TRIM29: variants seen among roughly 807,000 people sequenced by gnomAD.
The protein encoded by TRIM29 is tripartite motif-containing protein 29.
In TRIM29, 52 loss-of-function variants were observed where a neutral mutation model predicts 57.3. The observed-to-expected ratio is 0.91, with a 90% CI of 0.73 to 1.14. TRIM29 has a LOEUF of 1.14. Among genes scored for constraint, TRIM29 ranks in the 50% most tolerant of loss-of-function variants. The probability of loss-of-function intolerance (pLI) is 0.00; values close to 1 mark genes in which losing one functional copy is unlikely to be tolerated. For synonymous variants in TRIM29, 319 were observed against 316.9 expected (o/e 1.01, Z -0.07); for missense variants, 753 against 774.6 (o/e 0.97, Z 0.33).
intron 5 of TRIM29, 45 bp from the exon 6 acceptor site, chr11:120,120,710 A>C: frequency 1.3e-6 from 2 of 1,586,366 alleles, no homozygotes; most frequent in African/African-American, 1.3e-5. Context: ...AAATTGTCTC[A>C]TCAGGACTCC....
chr11:120,122,914 A>T, intron 5 of TRIM29, 40 bp downstream of exon 5: 5 of 1,583,518 alleles, frequency 3.2e-6, no homozygotes, highest in Non-Finnish European at 4.3e-6. Flanking sequence ...CCTGGGCAGC[A>T]GGAGAGACAC....
At chr11:120,116,241 C>T (rs529803895) in intron 7 of TRIM29, 1 of 152,430 alleles carries the variant, frequency 6.6e-6, no homozygotes, top group Admixed American at 6.5e-5. Flanking sequence ...ACGGGGCCGC[C>T]TTGACTCCCT....
At chr11:120,118,380 G>A (rs1565313465) in intron 6 of TRIM29, 59 bp from the exon 7 acceptor site, 4 of 1,370,402 alleles carry the variant, frequency 2.9e-6, no homozygotes, top group East Asian at 4.8e-5. Flanking sequence ...GAGGAGGCAG[G>A]ACCAGGACAC....
At chr11:120,114,638 C>T (rs1393632260) in intron 8 of TRIM29, among the ~76,000 whole-genome samples, 6 of 152,182 alleles carry the variant, frequency 3.9e-5, no homozygotes, top group African/African-American at 1.2e-4. Flanking sequence ...CTACAGTCCC[C>T]GATCACTGAG....
intron 1 of TRIM29, among the ~76,000 whole-genome samples, chr11:120,131,929 T>G (rs1174784736): frequency 6.7e-6 from 1 of 149,350 alleles, no homozygotes; most frequent in Non-Finnish European, 1.5e-5. Flanking sequence ...CCTGTGGAGG[T>G]AAGTGGCATT....
intron 5 of TRIM29, chr11:120,121,949 C>T (rs777505233): frequency 3.6e-5 from 16 of 448,888 alleles, no homozygotes; most frequent in Middle Eastern, 6.6e-4. Context: ...GGCACAGCAC[C>T]CCAGGCAGGG....
intron 5 of TRIM29, chr11:120,120,997 C>A (rs1474587793): frequency 2.5e-6 from 1 of 397,600 alleles, no homozygotes; most frequent in South Asian, 2.1e-5. Flanking sequence ...TCCCAGGGGC[C>A]CACCCAGGCT....
chr11:120,131,910 C>G (rs555181586), intron 1 of TRIM29, among the ~76,000 whole-genome samples: 12 of 149,562 alleles, frequency 8.0e-5, no homozygotes, highest in Non-Finnish European at 1.5e-4. Flanking sequence ...CTTTAACCAG[C>G]AAAAGCCTCC....
intron 6 of TRIM29, among the ~76,000 whole-genome samples, chr11:120,120,171 G>GT (rs1398760875): frequency 2.1e-4 from 25 of 118,640 alleles, no homozygotes; most frequent in Admixed American, 8.0e-5. Context: ...CCTCATACTT[G>GT]TGGGGGGGGT....
chr11:120,123,206 C>A (rs755571014), intron 4 of TRIM29, 151 bp from the exon 5 acceptor site: 1 of 718,414 alleles, frequency 1.4e-6, no homozygotes, highest in South Asian at 1.5e-5. Flanking sequence ...GAGAATATGA[C>A]GCCCTGCCCA....
At position 120,115,333 on chromosome 11, in the gene TRIM29, C is replaced by T. The variant is rs1555048997; in HGVS notation, c.1704+5G>A. ...CCCAGGCCCTCCCGGCAGCACTTCC[C>T]TTACCAGCATAGTCTGCTTGCCAGA... On this transcript the variant is annotated splice_donor_5th_base_variant and intron_variant, in intron 8 of 8. Coordinates refer to ENST00000341846, the MANE Select transcript of TRIM29 (RefSeq NM_012101.4). 4.3e-6 allele frequency: 7 copies of T among 1,613,002 alleles called. No homozygotes were observed. Among genetic ancestry groups the T allele is most frequent in the Admixed American group, 1.7e-5 (1 of 59,898 alleles).
rs113718478 is a variant in TRIM29, at chr11:120,122,542, A to C, written c.1435+412T>G. Among the ~76,000 whole-genome samples the C allele has an allele frequency of 1.5e-3, 234 of 152,284 alleles. 2 individuals carry two copies. The highest frequency in any genetic ancestry group is 5.3e-3 in the African/African-American group (220 of 41,568). On this transcript the variant is annotated intron_variant, in intron 5 of 8. Transcript: ENST00000341846. ...GGAGCAGAATGGTCCTGGGGTCGGC[A>C]GCCATCTCACAGGGCTCAGCCCCTA...
At chr11:120,132,904 G>A (rs541891983) in intron 1 of TRIM29, among the ~76,000 whole-genome samples, 1 of 152,260 alleles carries the variant, frequency 6.6e-6, no homozygotes, top group South Asian at 2.1e-4. Flanking sequence ...TCAGGTCAGG[G>A]GAGGGGTGAG....
chr11:120,123,475 G>T (rs1863512106), intron 4 of TRIM29: 1 of 457,400 alleles, frequency 2.2e-6, no homozygotes, highest in African/African-American at 2.0e-5. Context: ...TAAGGGCAGA[G>T]TTGGGGATTG....
intron 1 of TRIM29, among the ~76,000 whole-genome samples, chr11:120,135,997 A>G (rs620602): frequency 0.15 from 22,987 of 151,876 alleles, 2,013 homozygotes; most frequent in East Asian, 0.45. Context: ...TGCCCAAATC[A>G]CCTTCCCCAG....
intron 8 of TRIM29, 65 bp downstream of exon 8, chr11:120,115,273 G>T: frequency 6.5e-7 from 1 of 1,533,110 alleles, no homozygotes; most frequent in Non-Finnish European, 8.9e-7. Context: ...ATTGCCTCCA[G>T]GGAGCCCCCT....
chr11:120,115,425 A>T lies in TRIM29; in HGVS notation c.1628-11T>A, dbSNP rs752535670. On this transcript the variant is annotated splice_polypyrimidine_tract_variant and intron_variant, in intron 7 of 8. Transcript: ENST00000341846. ...TGAGGGAGGGATAGCCTGGGAAGAC[A>T]AGAGATTCAGGTCAAAGGGAGCAGC... 1 of 1,612,586 alleles carries T rather than the reference A, an allele frequency of 6.2e-7. No homozygotes were observed. Among genetic ancestry groups the T allele is most frequent in the Non-Finnish European group, 8.5e-7 (1 of 1,179,254 alleles).
rs36069796 is a variant in TRIM29, at chr11:120,120,656, C to T, written c.1445G>A (p.Arg482Gln). 8.1e-6 allele frequency: 13 copies of T among 1,613,588 alleles called. No individual in the cohort carries two copies. The highest frequency in any genetic ancestry group is 2.2e-5 in the South Asian group (2 of 90,970). ...SMYLTPKGGV[R>Q]TSYQPSSPGR... Reference sequence around the variant, plus strand: ...AGGAGACGAGGGCTGGTATGATGTCCGGACCCCACCTGTGAAGCAGATGAA... The same window carrying T: ...AGGAGACGAGGGCTGGTATGATGTCTGGACCCCACCTGTGAAGCAGATGAA... Residue 482 changes from arginine to glutamine, a missense_variant, in exon 6 of 9, where the codon CGG becomes CAG. Physicochemically the swap from Arg to Gln is conservative, Grantham distance 43. Transcript: ENST00000341846.
In TRIM29 at chr11:120,125,862, A is replaced by G; in HGVS notation, c.1162T>C (p.Ser388Pro). 1 of 1,613,812 alleles carries G rather than the reference A, an allele frequency of 6.2e-7. No individual in the cohort carries two copies. Among genetic ancestry groups the G allele is most frequent in the Non-Finnish European group, 8.5e-7 (1 of 1,179,850 alleles). Reference sequence around the variant, plus strand: ...TAGGTGGGCAGGGGTGGGGGGAGAGAGTAATTGCTCATCAATGCACCAAAT... The same window carrying G: ...TAGGTGGGCAGGGGTGGGGGGAGAGGGTAATTGCTCATCAATGCACCAAAT... The part of the protein sequence containing the change: ...QEFGALMSNY[S>P]LPPPLPTYHV... Residue 388 changes from serine to proline, a missense_variant, in exon 4 of 9, where the codon TCT (serine) becomes CCT (proline). Ser to Pro is a moderately conservative substitution (Grantham distance 74). Coordinates refer to ENST00000341846, the MANE Select transcript of TRIM29 (RefSeq NM_012101.4).
Sources: allele counts gnomAD v4.1 joint callset (sites outside exome capture counted in the v4.1 genomes callset), GRCh38; gene constraint gnomAD v4.1.1; transcripts MANE v1.5; gene names NCBI Gene and HGNC (gene_info 2026-07-23, HGNC 2026-07-21).